The following SLC4A7 variants were observed in gnomAD, a reference collection of about 807,000 sequenced individuals.
SLC4A7 encodes sodium bicarbonate cotransporter 3.
In SLC4A7, 51 loss-of-function variants were observed where a neutral mutation model predicts 137.6. That is an observed-to-expected ratio of 0.37 (90% CI 0.30 to 0.47). The LOEUF (loss-of-function observed/expected upper bound fraction) is 0.47. SLC4A7 is among the 20% of genes least tolerant of loss of function. The pLI is 1.00. For missense variants in SLC4A7, 1,247 were observed against 1,525.4 expected, an observed-to-expected ratio of 0.82 and a Z score of 3.04; for synonymous variants, 542 against 518.6, an observed-to-expected ratio of 1.05 and a Z score of -0.61.
rs1476333250 is a variant in SLC4A7, at chr3:27,410,784, T to C, written c.1766+858A>G. On this transcript the variant is annotated intron_variant, in intron 12 of 25. Coordinates refer to ENST00000454389, the MANE Select transcript of SLC4A7 (RefSeq NM_001321103.2). ...TCACACAGGGTCAAAATCTTTTCTC[T>C]ATTGTATTCACAGAGACAAAAACAC... Among the ~76,000 whole-genome samples the C allele has an allele frequency of 2.6e-5, 4 of 152,322 alleles. No homozygotes were observed. The East Asian group carries it at 7.7e-4, about 29-fold the overall frequency.
At chr3:27,446,401 G>T (rs2057640410) in intron 3 of SLC4A7, among the ~76,000 whole-genome samples, 1 of 152,064 alleles carries the variant, frequency 6.6e-6, no homozygotes, top group African/African-American at 2.4e-5. Flanking sequence ...AAACTTCAGG[G>T]ACATAAATCT....
intron 3 of SLC4A7, among the ~76,000 whole-genome samples, chr3:27,444,885 G>A (rs2057470276): frequency 6.6e-6 from 1 of 152,056 alleles, no homozygotes; most frequent in Admixed American, 6.5e-5. Flanking sequence ...ACATGGTCAG[G>A]TGCTAGATTT....
chr3:27,389,167 C>T (rs959426880), intron 22 of SLC4A7, among the ~76,000 whole-genome samples: 5 of 152,102 alleles, frequency 3.3e-5, no homozygotes, highest in African/African-American at 1.2e-4. Flanking sequence ...CATACACCTT[C>T]CTCTCAGTGT....
intron 1 of SLC4A7, among the ~76,000 whole-genome samples, chr3:27,476,959 C>T (rs772934717): frequency 1.3e-5 from 2 of 152,130 alleles, no homozygotes; most frequent in Admixed American, 6.5e-5. Context: ...CAATGAATGA[C>T]CCAGGAAAAC....
chr3:27,388,629 C>A (rs1434618346), intron 22 of SLC4A7, among the ~76,000 whole-genome samples: 4 of 152,002 alleles, frequency 2.6e-5, no homozygotes, highest in Non-Finnish European at 5.9e-5. Context: ...AACCATAGCA[C>A]CTGAGTTAAA....
chr3:27,373,289 G>T lies in SLC4A7; in HGVS notation c.*3475C>A, dbSNP rs910751922. On this transcript the variant is annotated 3_prime_UTR_variant, in exon 26 of 26. Transcript: ENST00000454389. ...TAATTGACATTTAATGTTAGTTTTT[G>T]AAAAGTTAGAAAAGAAACCAATTTA... The T allele has an allele frequency of 6.6e-6, 1 of 151,938 alleles. No homozygotes were observed. Among genetic ancestry groups the T allele is most frequent in the African/African-American group, 2.4e-5 (1 of 41,400 alleles). 9.4% of individuals were successfully genotyped at this position (151,938 alleles called of 1,614,324 possible). A position where few individuals can be genotyped will look rare whatever the true frequency, so the allele number is the denominator to read the frequency against.
chr3:27,441,008 G>A lies in SLC4A7; in HGVS notation c.290-3482C>T, dbSNP rs570220462. Among the ~76,000 whole-genome samples, 4 of 151,586 alleles carry A rather than the reference G, an allele frequency of 2.6e-5. No homozygotes were observed. In the East Asian group the frequency reaches 7.8e-4, roughly 30 times the overall value. The stretch of plus-strand genomic sequence containing the variant: ...TGCAGTGAGCCAAGATCGCATCATC[G>A]CACACCAGCCTGGGTGACAAGAGTG... On this transcript the variant is annotated intron_variant, in intron 3 of 25. Coordinates refer to ENST00000454389, the MANE Select transcript of SLC4A7 (RefSeq NM_001321103.2).
intron 1 of SLC4A7, chr3:27,456,882 T>C (rs1202887539): frequency 7.3e-7 from 1 of 1,372,172 alleles, no homozygotes; most frequent in Non-Finnish European, 9.4e-7. Context: ...TTACACAGGG[T>C]CACAGCATAA....
chr3:27,478,175 T>C (rs1353939477), intron 1 of SLC4A7, among the ~76,000 whole-genome samples: 2 of 151,174 alleles, frequency 1.3e-5, no homozygotes, highest in Non-Finnish European at 2.9e-5. Context: ...ATGATACTAG[T>C]TCACATAAAA....
intron 16 of SLC4A7, among the ~76,000 whole-genome samples, chr3:27,398,948 G>A (rs534698760): frequency 6.0e-5 from 9 of 150,478 alleles, no homozygotes; most frequent in East Asian, 5.8e-4. Flanking sequence ...AATCAGTAAC[G>A]TAATAATATA....
chr3:27,377,916 T>C (rs866379996), intron 25 of SLC4A7, among the ~76,000 whole-genome samples: 3 of 152,214 alleles, frequency 2.0e-5, no homozygotes, highest in African/African-American at 7.2e-5. Context: ...TTTCTTCCTA[T>C]GTGATTTTGA....
rs755275171 is a variant in SLC4A7, at chr3:27,394,616, C to G, written c.3019G>C (p.Glu1007Gln). 6.2e-7 allele frequency: 1 copy of G among 1,614,108 alleles called. No individual in the cohort carries two copies. The highest frequency in any genetic ancestry group is 8.5e-7 in the Non-Finnish European group (1 of 1,180,012). ...CGAATTCCCAAAAACTTGGGTTGTTCCCCTGGAGCAGAACATTCAGATTCA... is the reference window on the plus strand; with the variant it reads ...CGAATTCCCAAAAACTTGGGTTGTTGCCCTGGAGCAGAACATTCAGATTCA... ...KVESECSAPG[E>Q]QPKFLGIREQ... The change falls in exon 20 of 26, where the codon GAA (glutamate) becomes CAA (glutamine). Residue 1007 changes from glutamate to glutamine, a missense_variant. By Grantham distance (29) the Glu-to-Gln change is conservative. Transcript: ENST00000454389.
At chr3:27,455,395 A>T (rs1384526470) in intron 1 of SLC4A7, among the ~76,000 whole-genome samples, 1 of 152,140 alleles carries the variant, frequency 6.6e-6, no homozygotes, top group South Asian at 2.1e-4. Flanking sequence ...ATATGTATTT[A>T]TTTGTATTAA....
intron 15 of SLC4A7, among the ~76,000 whole-genome samples, chr3:27,402,054 A>T (rs1248757151): frequency 6.6e-6 from 1 of 152,202 alleles, no homozygotes; most frequent in Non-Finnish European, 1.5e-5. Flanking sequence ...GAACGAATGA[A>T]CAAAAGAGGG....
chr3:27,440,810 C>T (rs1284880384), intron 3 of SLC4A7, among the ~76,000 whole-genome samples: 1 of 151,934 alleles, frequency 6.6e-6, no homozygotes, highest in Admixed American at 6.6e-5. Flanking sequence ...TTTGGGAGGC[C>T]AAGGTGGGTG....
chr3:27,381,381 T>C (rs1320172814), intron 24 of SLC4A7, among the ~76,000 whole-genome samples: 1 of 152,230 alleles, frequency 6.6e-6, no homozygotes, highest in East Asian at 1.9e-4. Flanking sequence ...ATACTCTTTT[T>C]AGAAGTACAT....
At chr3:27,450,554 T>C (rs2055560735) in intron 2 of SLC4A7, among the ~76,000 whole-genome samples, 1 of 152,124 alleles carries the variant, frequency 6.6e-6, no homozygotes, top group South Asian at 2.1e-4. Flanking sequence ...TTCCCATCAC[T>C]GCACTGGGAA....
intron 15 of SLC4A7, 51 bp downstream of exon 15, chr3:27,403,088 A>T: frequency 6.5e-7 from 1 of 1,546,756 alleles, no homozygotes. Context: ...TGAGGCTCTG[A>T]CATCTCTGTA....
At position 27,372,826 on chromosome 3, in the gene SLC4A7, C is replaced by T. The variant is rs1292085719; in HGVS notation, c.*3938G>A. ...CAAATTTGAAAGGCAGGATGATTCA[C>T]AATATAGACCCAGTAGAGGCTTATA... is the stretch of plus-strand genomic sequence containing the variant. On this transcript the variant is annotated 3_prime_UTR_variant, in exon 26 of 26. Coordinates refer to ENST00000454389, the MANE Select transcript of SLC4A7 (RefSeq NM_001321103.2). 1 of 152,452 alleles carries T rather than the reference C, an allele frequency of 6.6e-6. No individual in the cohort carries two copies. The highest frequency in any genetic ancestry group is 1.5e-5 in the Non-Finnish European group (1 of 67,998). 9.4% of individuals were successfully genotyped at this position (152,452 alleles called of 1,614,324 possible). A position where few individuals can be genotyped will look rare whatever the true frequency, so the allele number is the denominator to read the frequency against.
Sources: gnomAD v4.1 joint callset for allele counts (sites outside exome capture counted in the v4.1 genomes callset) on GRCh38, gnomAD v4.1.1 for gene constraint, MANE v1.5 for transcripts, NCBI Gene and HGNC (gene_info 2026-07-23, HGNC 2026-07-21) for gene names.